ZRANB2: variants seen among roughly 807,000 people sequenced by gnomAD.
ZRANB2 encodes the protein zinc finger RANBP2-type containing 2.
ZRANB2 carries 19 observed loss-of-function variants against 53.4 expected under a neutral mutation model. That is an observed-to-expected ratio of 0.36 (90% CI 0.25 to 0.52). The LOEUF is 0.52. Ranked by LOEUF, ZRANB2 falls within the 20% of genes least tolerant of loss-of-function variation. The pLI, the probability that ZRANB2 is intolerant of heterozygous loss-of-function variation, is 0.93. For synonymous variants in ZRANB2, 145 were observed against 134.8 expected (o/e 1.08, Z -0.52); for missense variants, 309 against 401.1 (o/e 0.77, Z 1.96).
rs371652350 is a variant in ZRANB2 at position 71,069,380 on chromosome 1, G to C, written c.684-18C>G. ...AACGGGACCTGGAACAACATGGAACGATTTTTTTTTTCCAGGACCATTTAA... is the reference window on the plus strand; with the variant it reads ...AACGGGACCTGGAACAACATGGAACCATTTTTTTTTTCCAGGACCATTTAA... On this transcript the variant is annotated intron_variant, in intron 7 of 9. Coordinates refer to ENST00000370920, the MANE Select transcript of ZRANB2 (RefSeq NM_203350.3). 1.2e-6 allele frequency: 2 copies of C among 1,605,566 alleles called. No individual in the cohort carries two copies. Among genetic ancestry groups the C allele is most frequent in the Admixed American group, 1.7e-5 (1 of 59,478 alleles).
At chr1:71,067,061 T>G in intron 8 of ZRANB2, 127 bp from the exon 9 acceptor site, 1 of 836,104 alleles carries the variant, frequency 1.2e-6, no homozygotes, top group Non-Finnish European at 1.7e-6. Flanking sequence ...TAAGGAAGAA[T>G]ACTTACTGCT....
intron 1 of ZRANB2, among the ~76,000 whole-genome samples, chr1:71,078,959 T>C (rs963191885): frequency 1.3e-5 from 2 of 152,310 alleles, no homozygotes; most frequent in African/African-American, 2.4e-5. Flanking sequence ...ACTTAGGATC[T>C]CTGCCTCAAG....
Position 71,064,846 on chromosome 1 carries a change from T to G in ZRANB2, c.*228A>C. On this transcript the variant is annotated 3_prime_UTR_variant, in exon 10 of 10. Coordinates refer to ENST00000370920, the MANE Select transcript of ZRANB2 (RefSeq NM_203350.3). ...CTGAAATGGTTTTAAATGAAGCAAATGGTTGTAAATAATGAATGACAGAAC... is the reference window on the plus strand; with the variant it reads ...CTGAAATGGTTTTAAATGAAGCAAAGGGTTGTAAATAATGAATGACAGAAC... 2.6e-6 allele frequency: 1 copy of G among 379,954 alleles called. No homozygotes were observed. The highest frequency in any genetic ancestry group is 4.8e-6 in the Non-Finnish European group (1 of 208,362). 23.5% of individuals were successfully genotyped at this position (379,954 alleles called of 1,614,324 possible).
Position 71,076,123 on chromosome 1 carries a change from T to C in ZRANB2, c.301+672A>G, listed in dbSNP as rs79883883. On this transcript the variant is annotated intron_variant, in intron 4 of 9. Coordinates refer to ENST00000370920, the MANE Select transcript of ZRANB2 (RefSeq NM_203350.3). ...CTTTGATCATGTGACATATAAGCAG[T>C]TGAAAGACAAAATCAGATTTTAAGT... 6.6e-5 allele frequency among the ~76,000 whole-genome samples: 10 copies of C among 152,250 alleles called. No individual in the cohort carries two copies. The South Asian group carries it at 1.2e-3, about 19-fold the overall frequency.
intron 4 of ZRANB2, among the ~76,000 whole-genome samples, chr1:71,073,776 G>A (rs1315206763): frequency 2.0e-5 from 3 of 151,988 alleles, no homozygotes; most frequent in African/African-American, 7.2e-5. Flanking sequence ...TCAAAAGTAT[G>A]TAAATAAAAT....
chr1:71,077,944 CAT>C (rs923689683), intron 3 of ZRANB2, among the ~76,000 whole-genome samples: 19 of 152,188 alleles, frequency 1.2e-4, no homozygotes, highest in African/African-American at 4.6e-4. Context: ...GATTCATCTG[CAT>C]AGAGAAAAGA....
At chr1:71,072,040 T>C (rs944516314) in intron 6 of ZRANB2, 81 bp downstream of exon 6, 1 of 1,515,842 alleles carries the variant, frequency 6.6e-7, no homozygotes. Flanking sequence ...TTTCACCAAG[T>C]GTCTGAGGCT....
chr1:71,066,535 T>G (rs1381611841), intron 9 of ZRANB2: 1 of 357,508 alleles, frequency 2.8e-6, no homozygotes, highest in Non-Finnish European at 5.0e-6. Flanking sequence ...CTATAAAAAT[T>G]ATAAATGGAA....
Position 71,065,140 on chromosome 1 carries a change from G to A in ZRANB2, c.930-3C>T. 4 of 1,609,798 alleles carry A rather than the reference G, an allele frequency of 2.5e-6. No homozygotes were observed. The highest frequency in any genetic ancestry group is 1.1e-5 in the South Asian group (1 of 90,688). ...ATCCAGATGATGACCTGTGGCGTCT[G>A]TAAGACATAATGGAGAGAGTAGGCA... On this transcript the variant is annotated splice_polypyrimidine_tract_variant and splice_region_variant and intron_variant, in intron 9 of 9. Transcript: ENST00000370920.
At chr1:71,079,413 A>C (rs1661784886) in intron 1 of ZRANB2, among the ~76,000 whole-genome samples, 1 of 152,202 alleles carries the variant, frequency 6.6e-6, no homozygotes, top group Non-Finnish European at 1.5e-5. Flanking sequence ...GTACGTGTAT[A>C]TTGGTAAAAG....
intron 1 of ZRANB2, 112 bp from the exon 2 acceptor site, chr1:71,078,820 G>C: frequency 2.2e-6 from 2 of 905,718 alleles, no homozygotes; most frequent in Non-Finnish European, 3.4e-6. Flanking sequence ...TCTTAGTCAT[G>C]TTAATGTCAA....
rs1032571696 is a variant in ZRANB2 at position 71,064,087 on chromosome 1, T to C, written c.*987A>G. The stretch of plus-strand genomic sequence containing the variant: ...TCAAATGAATAGGAAAAATAATGAC[T>C]TTTGCTTACATCATGCAGCAATAAG... On this transcript the variant is annotated 3_prime_UTR_variant, in exon 10 of 10. Coordinates refer to ENST00000370920, the MANE Select transcript of ZRANB2 (RefSeq NM_203350.3). The C allele has an allele frequency of 6.6e-6, 1 of 152,456 alleles. No individual in the cohort carries two copies. Among genetic ancestry groups the C allele is most frequent in the Non-Finnish European group, 1.5e-5 (1 of 67,896 alleles). The allele number at this position is 152,456 out of a possible 1,614,324, so 9.4% of individuals were successfully genotyped here.
chr1:71,073,807 T>C (rs1046934983), intron 4 of ZRANB2, among the ~76,000 whole-genome samples: 3 of 131,076 alleles, frequency 2.3e-5, no homozygotes, highest in Non-Finnish European at 3.2e-5. Flanking sequence ...GGCAGCAAAA[T>C]AGTCTGCTGA....
chr1:71,079,774 C>T (rs533853004), intron 1 of ZRANB2, among the ~76,000 whole-genome samples: 1 of 152,230 alleles, frequency 6.6e-6, no homozygotes, highest in South Asian at 2.1e-4. Flanking sequence ...ACAACAAAGT[C>T]AGAAGTTGTT....
chr1:71,065,194 A>C, intron 9 of ZRANB2, 57 bp from the exon 10 acceptor site: 2 of 1,384,444 alleles, frequency 1.4e-6, no homozygotes, highest in Non-Finnish European at 2.0e-6. Context: ...AAATCTCAGC[A>C]TTCATTCTTA....
At chr1:71,068,417 C>A (rs1174567775) in intron 8 of ZRANB2, among the ~76,000 whole-genome samples, 1 of 152,074 alleles carries the variant, frequency 6.6e-6, no homozygotes, top group East Asian at 1.9e-4. Context: ...TTTGACTAAA[C>A]AAAGAAAAAT....
chr1:71,070,812 C>A lies in ZRANB2; in HGVS notation c.683+15G>T. ...ACATTTTGACTGGTGTTACCCTTGA[C>A]CTGTACCCGTTTACCTGGACCTAGA... On this transcript the variant is annotated intron_variant, in intron 7 of 9. Transcript: ENST00000370920. 1 of 1,509,178 alleles carries A rather than the reference C, an allele frequency of 6.6e-7. No homozygotes were observed. Among genetic ancestry groups the A allele is most frequent in the Non-Finnish European group, 8.9e-7 (1 of 1,121,938 alleles). The allele number at this position is 1,509,178 out of a possible 1,614,324, so 93.5% of individuals were successfully genotyped here. A position where few individuals can be genotyped will look rare whatever the true frequency, so the allele number is the denominator to read the frequency against.
chr1:71,079,365 C>G (rs74090255), intron 1 of ZRANB2, among the ~76,000 whole-genome samples: 3,205 of 152,152 alleles, frequency 0.021, 114 homozygotes, highest in African/African-American at 0.072. Context: ...AAACTCAAAC[C>G]TAAAGAATTA....
At chr1:71,067,149 T>C (rs1573050441) in intron 8 of ZRANB2, 1 of 401,526 alleles carries the variant, frequency 2.5e-6, no homozygotes, top group Non-Finnish European at 4.3e-6. Context: ...TAAAATTCTA[T>C]CATGTGTAAT....
Sources: allele counts gnomAD v4.1 joint callset (sites outside exome capture counted in the v4.1 genomes callset), GRCh38; gene constraint gnomAD v4.1.1; transcripts MANE v1.5; gene names NCBI Gene and HGNC (gene_info 2026-07-23, HGNC 2026-07-21).